The following ACBD6 variants were observed in gnomAD, a reference collection of about 807,000 sequenced individuals.
ACBD6 encodes acyl-CoA binding domain containing 6.
In ACBD6, 28 loss-of-function variants were observed where a neutral mutation model predicts 37.2. That is an observed-to-expected ratio of 0.75 (90% confidence interval 0.56 to 1.03). ACBD6 has a LOEUF of 1.03. ACBD6 is among the 50% of genes least tolerant of loss of function. The pLI is 0.00. For missense variants in ACBD6, 340 were observed against 337.4 expected, an observed-to-expected ratio of 1.01 and a Z score of -0.06; for synonymous variants, 113 against 126.8, an observed-to-expected ratio of 0.89 and a Z score of 0.73.
At chr1:180,360,577 A>G (rs1408188843) in intron 6 of ACBD6, among the ~76,000 whole-genome samples, 3 of 152,172 alleles carry the variant, frequency 2.0e-5, no homozygotes, top group Non-Finnish European at 2.9e-5. Flanking sequence ...AGCTCTATGT[A>G]ATTCTAATGG....
chr1:180,486,847 G>A lies in ACBD6; in HGVS notation c.384+5422C>T, dbSNP rs552009320. Among the ~76,000 whole-genome samples, 88 of 152,304 alleles carry A rather than the reference G, an allele frequency of 5.8e-4. 1 individual carries two copies. The South Asian group carries it at 0.017, about 29-fold the overall frequency. On this transcript the variant is annotated intron_variant, in intron 3 of 7. Transcript: ENST00000367595. The stretch of plus-strand genomic sequence containing the variant: ...TAACATCCCAATATTGGGACAAACA[G>A]ATATCATGTACCTCCTGGTCTGATG...
At chr1:180,483,415 TTAATATTTACTA>T (rs921955485) in intron 3 of ACBD6, among the ~76,000 whole-genome samples, 1 of 152,180 alleles carries the variant, frequency 6.6e-6, no homozygotes, top group African/African-American at 2.4e-5. Context: ...TAATACATTA[TTAATATTTACTA>T]TAATATTTAC....
chr1:180,296,262 TA>T (rs1649913334), intron 7 of ACBD6, among the ~76,000 whole-genome samples: 1 of 152,102 alleles, frequency 6.6e-6, no homozygotes, highest in Admixed American at 6.6e-5. Context: ...GAAGAAAAGT[TA>T]GGAGTTGGCA....
chr1:180,362,630 T>C (rs543259253), intron 6 of ACBD6, among the ~76,000 whole-genome samples: 1 of 152,362 alleles, frequency 6.6e-6, no homozygotes, highest in South Asian at 2.1e-4. Flanking sequence ...TAGAGAGATG[T>C]AGTTTTTCTT....
At chr1:180,467,351 C>T (rs1650385098) in intron 3 of ACBD6, among the ~76,000 whole-genome samples, 1 of 147,836 alleles carries the variant, frequency 6.8e-6, no homozygotes, top group African/African-American at 2.5e-5. Flanking sequence ...GTAGCTCATG[C>T]CTGTAATCCC....
intron 7 of ACBD6, among the ~76,000 whole-genome samples, chr1:180,310,277 T>C (rs1212440375): frequency 6.6e-6 from 1 of 152,026 alleles, no homozygotes; most frequent in Non-Finnish European, 1.5e-5. Flanking sequence ...GAAGGATTGC[T>C]CAAGCACAGG....
chr1:180,319,426 T>A (rs1194532908), intron 6 of ACBD6, among the ~76,000 whole-genome samples: 1 of 152,250 alleles, frequency 6.6e-6, no homozygotes, highest in Non-Finnish European at 1.5e-5. Flanking sequence ...GATATAGGCA[T>A]GCTATGTGTA....
intron 7 of ACBD6, among the ~76,000 whole-genome samples, chr1:180,288,850 G>C (rs533342712): frequency 1.3e-5 from 2 of 152,150 alleles, no homozygotes; most frequent in East Asian, 3.9e-4. Context: ...ATTTTACTTT[G>C]ATCTTTATTT....
At chr1:180,313,910 A>C (rs1650690378) in intron 7 of ACBD6, among the ~76,000 whole-genome samples, 1 of 152,226 alleles carries the variant, frequency 6.6e-6, no homozygotes, top group South Asian at 2.1e-4. Context: ...CACTGAATTT[A>C]CCAAGCAGCT....
intron 3 of ACBD6, among the ~76,000 whole-genome samples, chr1:180,432,077 C>T (rs949289946): frequency 6.6e-6 from 1 of 151,860 alleles, no homozygotes; most frequent in Non-Finnish European, 1.5e-5. Context: ...CATGGTGGTG[C>T]GTGACTGTAG....
chr1:180,444,979 C>T (rs1185054123), intron 3 of ACBD6, among the ~76,000 whole-genome samples: 1 of 152,158 alleles, frequency 6.6e-6, no homozygotes, highest in Non-Finnish European at 1.5e-5. Flanking sequence ...CTGTGTGCTA[C>T]CTTTTTTGGA....
chr1:180,454,222 G>C (rs535328677), intron 3 of ACBD6, among the ~76,000 whole-genome samples: 1 of 152,084 alleles, frequency 6.6e-6, no homozygotes, highest in Admixed American at 6.5e-5. Flanking sequence ...ATAACACCAC[G>C]TATCTACAAC....
At chr1:180,436,937 T>C in intron 3 of ACBD6, among the ~76,000 whole-genome samples, 1 of 152,180 alleles carries the variant, frequency 6.6e-6, no homozygotes, top group East Asian at 1.9e-4. Context: ...AGGATATCTA[T>C]TCTCATCACT....
At chr1:180,313,577 CTTGTTACTGA>C (rs1417184720) in intron 7 of ACBD6, among the ~76,000 whole-genome samples, 4 of 152,188 alleles carry the variant, frequency 2.6e-5, no homozygotes, top group African/African-American at 9.7e-5. Context: ...ATTTGAGCCA[CTTGTTACTGA>C]ATCGCAGTCT....
chr1:180,318,163 G>GCCCCCCCCCC (rs1553291888), intron 6 of ACBD6, among the ~76,000 whole-genome samples: 1 of 31,402 alleles, frequency 3.2e-5, no homozygotes, highest in Non-Finnish European at 5.5e-5. Flanking sequence ...TTCCATCTCC[G>GCCCCCCCCCC]CCCCCCCCCC....
intron 3 of ACBD6, among the ~76,000 whole-genome samples, chr1:180,484,237 G>A (rs573482010): frequency 3.3e-5 from 5 of 152,056 alleles, no homozygotes; most frequent in South Asian, 2.1e-4. Flanking sequence ...ACTGGGGTGC[G>A]GTTATTTTCC....
chr1:180,435,587 C>G, intron 3 of ACBD6: 1 of 1,063,474 alleles, frequency 9.4e-7, no homozygotes. Flanking sequence ...CCGAGTAACC[C>G]AGAGCAACTT....
At chr1:180,339,331 C>A (rs1272340498) in intron 6 of ACBD6, among the ~76,000 whole-genome samples, 1 of 152,144 alleles carries the variant, frequency 6.6e-6, no homozygotes, top group African/African-American at 2.4e-5. Context: ...CACATATACA[C>A]CATGGAATAC....
chr1:180,332,093 C>T (rs1651508346), intron 6 of ACBD6, among the ~76,000 whole-genome samples: 1 of 152,180 alleles, frequency 6.6e-6, no homozygotes, highest in African/African-American at 2.4e-5. Flanking sequence ...TGCCAGCAAA[C>T]ACCAGAAGCC....
Sources: allele counts gnomAD v4.1 joint callset (sites outside exome capture counted in the v4.1 genomes callset), GRCh38; gene constraint gnomAD v4.1.1; transcripts MANE v1.5; gene names NCBI Gene and HGNC (gene_info 2026-07-23, HGNC 2026-07-21).